SRCIN1: variants seen among roughly 807,000 people sequenced by gnomAD.
SRCIN1 encodes the protein P130Cas-associated protein.
In SRCIN1, 50 loss-of-function variants were observed where a neutral mutation model predicts 116.2. The observed-to-expected ratio is 0.43, with a 90% CI of 0.34 to 0.54. The LOEUF is 0.54. Ranked by LOEUF, SRCIN1 falls within the 20% of genes least tolerant of loss-of-function variation. The pLI is 0.02. For missense variants in SRCIN1, 1,446 were observed against 1,672.0 expected, an observed-to-expected ratio of 0.86 and a Z score of 2.36; for synonymous variants, 736 against 750.0, an observed-to-expected ratio of 0.98 and a Z score of 0.30.
chr17:38,564,333 T>G lies in SRCIN1; in HGVS notation c.346-20A>C, dbSNP rs1213490563. 5 of 1,514,284 alleles carry G rather than the reference T, an allele frequency of 3.3e-6. No homozygotes were observed. The highest frequency in any genetic ancestry group is 2.0e-5 in the Admixed American group (1 of 49,562). 93.8% of individuals were successfully genotyped at this position (1,514,284 alleles called of 1,614,324 possible). A position where few individuals can be genotyped will look rare whatever the true frequency, so the allele number is the denominator to read the frequency against. On this transcript the variant is annotated intron_variant, in intron 3 of 18. Transcript: ENST00000617146. ...GCGGGTCTGCAGGGGCCGGGCAGGG[T>G]GAGAGGAACCAAGGATGAGCACCCC...
Position 38,533,196 on chromosome 17 carries a change from G to A in SRCIN1, c.*101C>T, listed in dbSNP as rs1021587775. 1.3e-5 allele frequency: 19 copies of A among 1,444,732 alleles called. No individual in the cohort carries two copies. The highest frequency in any genetic ancestry group is 8.6e-5 in the South Asian group (6 of 69,798). The allele number at this position is 1,444,732 out of a possible 1,614,324, so 89.5% of individuals were successfully genotyped here. ...CTCTTCAGGGCACACCCCTCAGGGC[G>A]TCTGGAGAGTAGGGTGGGGTGGGGT... On this transcript the variant is annotated 3_prime_UTR_variant, in exon 19 of 19. Coordinates refer to ENST00000617146, the MANE Select transcript of SRCIN1 (RefSeq NM_025248.3).
intron 1 of SRCIN1, among the ~76,000 whole-genome samples, chr17:38,579,713 C>T (rs112601966): frequency 6.6e-6 from 1 of 152,238 alleles, no homozygotes; most frequent in East Asian, 1.9e-4. Context: ...TGAGGTCCCA[C>T]GCGGAACTCT....
In SRCIN1 at chr17:38,543,898, G is replaced by A. The variant is rs753265863; in HGVS notation, c.3342C>T (p.Gly1114=). 6.2e-7 allele frequency: 1 copy of A among 1,606,028 alleles called. No individual in the cohort carries two copies. Among genetic ancestry groups the A allele is most frequent in the South Asian group, 1.1e-5 (1 of 90,836 alleles). ...TGCTTTTGTCGGGGCTGCCCGCCTG[G>A]CCCTGGGCCGCCTTCAGCCGAGAGG... ...PGASRLKAAQ[G]QAGSPDKSKH... Residue 1114 remains glycine, a synonymous_variant, in exon 18 of 19, where the codon GGC becomes GGT. Coordinates refer to ENST00000617146, the MANE Select transcript of SRCIN1 (RefSeq NM_025248.3).
chr17:38,606,459 C>A (rs1395252192), upstream of SRCIN1, among the ~76,000 whole-genome samples: 1 of 152,144 alleles, frequency 6.6e-6, no homozygotes, highest in African/African-American at 2.4e-5. The surrounding 1 kb of genome is among the most constrained non-coding windows in gnomAD (Gnocchi z 5.2). Context: ...CCTCGCGACC[C>A]CTCACCCCAG....
At position 38,558,496 on chromosome 17, in the gene SRCIN1, T is replaced by C. The variant is rs1187253010; in HGVS notation, c.2026-94A>G. The C allele has an allele frequency of 7.3e-7, 1 of 1,378,760 alleles. No individual in the cohort carries two copies. The highest frequency in any genetic ancestry group is 9.6e-7 in the Non-Finnish European group (1 of 1,041,378). The allele number at this position is 1,378,760 out of a possible 1,614,324, so 85.4% of individuals were successfully genotyped here. A position where few individuals can be genotyped will look rare whatever the true frequency, so the allele number is the denominator to read the frequency against. On this transcript the variant is annotated intron_variant, in intron 10 of 18. Transcript: ENST00000617146. The surrounding 1 kb of genome is among the most constrained non-coding windows in gnomAD (Gnocchi z 4.6). Reference sequence around the variant, plus strand: ...AGAAGGCGGGTAGAGGACTGCCCAATCCAGGGCGGGGCTCTGCAGAAGAAG... The same window carrying C: ...AGAAGGCGGGTAGAGGACTGCCCAACCCAGGGCGGGGCTCTGCAGAAGAAG...
At chr17:38,575,813 A>G (rs1235458925) in intron 2 of SRCIN1, among the ~76,000 whole-genome samples, 1 of 152,132 alleles carries the variant, frequency 6.6e-6, no homozygotes. Context: ...AGATTCCTCT[A>G]GGACCTGTTT....
Position 38,550,775 on chromosome 17 carries a change from C to G in SRCIN1, c.2962+380G>C, listed in dbSNP as rs868864732. ...TCTGGATTTCTGCCACTCCCGGGAC[C>G]GTGACTCAGGCTGGGGACCATGGGA... On this transcript the variant is annotated intron_variant, in intron 15 of 18. Transcript: ENST00000617146. Among the ~76,000 whole-genome samples the G allele has an allele frequency of 7.9e-5, 12 of 152,336 alleles. No individual in the cohort carries two copies. The South Asian group carries it at 2.5e-3, about 32-fold the overall frequency.
chr17:38,577,936 G>A (rs1477955305), intron 2 of SRCIN1, among the ~76,000 whole-genome samples: 1 of 152,164 alleles, frequency 6.6e-6, no homozygotes, highest in African/African-American at 2.4e-5. Context: ...CACCCAGCAC[G>A]CCACGGGGTG....
At chr17:38,605,624 C>T in intron 1 of SRCIN1, 60 bp downstream of exon 1, 1 of 1,341,108 alleles carries the variant, frequency 7.5e-7, no homozygotes, top group South Asian at 1.5e-5. Flanking sequence ...ACAAAGAAAA[C>T]AGAAATACCT....
Position 38,558,355 on chromosome 17 carries a change from T to C in SRCIN1, c.2073A>G (p.Ala691=), listed in dbSNP as rs1434489331. 1.8e-5 allele frequency: 29 copies of C among 1,608,034 alleles called. No homozygotes were observed. Among genetic ancestry groups the C allele is most frequent in the Admixed American group, 5.0e-5 (3 of 59,932 alleles). The change falls in exon 11 of 19, where the codon GCA becomes GCG. Residue 691 remains alanine (A), a synonymous_variant. Transcript: ENST00000617146. This position sits in a 1 kb window ranked among gnomAD's most constrained non-coding sequence, Gnocchi z 4.6. ...CCTCCGACACGCGCATGCTCAGCTC[T>C]GCCTCCGTGCGCTTCAGCAGCGCGC... ...SVRALLKRTE[A]ELSMRVSEAA...
At chr17:38,560,561 G>T in intron 7 of SRCIN1, 136 bp from the exon 8 acceptor site, 1 of 693,650 alleles carries the variant, frequency 1.4e-6, no homozygotes, top group South Asian at 1.8e-5. Flanking sequence ...AACGCAAAGG[G>T]CCCCAATGCC....
chr17:38,593,170 G>A (rs1040259489), intron 1 of SRCIN1, among the ~76,000 whole-genome samples: 16 of 152,166 alleles, frequency 1.1e-4, no homozygotes, highest in African/African-American at 3.6e-4. Flanking sequence ...TGTTGGGGAA[G>A]GGCATTTCAG....
At chr17:38,574,063 AGCAGG>A (rs1217806268) in intron 2 of SRCIN1, among the ~76,000 whole-genome samples, 1 of 152,190 alleles carries the variant, frequency 6.6e-6, no homozygotes, top group African/African-American at 2.4e-5. Context: ...CTCTGGGGGA[AGCAGG>A]GTGTGTAAGG....
At chr17:38,594,841 G>T (rs978778429) in intron 1 of SRCIN1, among the ~76,000 whole-genome samples, 6 of 152,024 alleles carry the variant, frequency 3.9e-5, no homozygotes, top group Non-Finnish European at 7.4e-5. Context: ...TTTGGGGGGC[G>T]GCTTCCCCTG....
At chr17:38,577,306 T>C (rs1020825404) in intron 2 of SRCIN1, among the ~76,000 whole-genome samples, 1 of 152,094 alleles carries the variant, frequency 6.6e-6, no homozygotes, top group Non-Finnish European at 1.5e-5. Flanking sequence ...TGAGAGGGGC[T>C]CCTTGAGGGT....
Position 38,552,101 on chromosome 17 carries a change from T to G in SRCIN1, c.2512A>C (p.Asn838His), listed in dbSNP as rs751564941. 3 of 1,612,844 alleles carry G rather than the reference T, an allele frequency of 1.9e-6. No individual in the cohort carries two copies. The Admixed American group carries it at 5.0e-5, about 27-fold the overall frequency. ...QVDEGVWPPP[N>H]NLLSQSPKKV... Reference sequence around the variant, plus strand: ...TTGGGGGACTGACTCAGGAGATTGTTGGGGGGTGGCCACACACCCTCATCC... The same window carrying G: ...TTGGGGGACTGACTCAGGAGATTGTGGGGGGGTGGCCACACACCCTCATCC... The change falls in exon 14 of 19, where the codon AAC becomes CAC. Residue 838 changes from asparagine (N) to histidine (H), a missense_variant. Physicochemically the swap from Asn to His is moderately conservative, Grantham distance 68. Transcript: ENST00000617146. This position sits in a 1 kb window ranked among gnomAD's most constrained non-coding sequence, Gnocchi z 5.3.
chr17:38,594,258 G>A (rs560641239), intron 1 of SRCIN1, among the ~76,000 whole-genome samples: 1 of 152,214 alleles, frequency 6.6e-6, no homozygotes. Context: ...AGCCAAGGAT[G>A]GGGGAGGGAG....
rs1407284261 is a variant in SRCIN1 at position 38,551,297 on chromosome 17, C to T, written c.2820G>A (p.Glu940=). 1.2e-6 allele frequency: 2 copies of T among 1,613,906 alleles called. No homozygotes were observed. Among genetic ancestry groups the T allele is most frequent in the East Asian group, 2.2e-5 (1 of 44,888 alleles). Residue 940 remains glutamate, a synonymous_variant, in exon 15 of 19, where the codon GAG becomes GAA. Coordinates refer to ENST00000617146, the MANE Select transcript of SRCIN1 (RefSeq NM_025248.3). ...CCAGGTCAGGGATGGCCTTGAGCAGCTCTGCCTGTGTCTCTTCCAGCAGCC... is the reference window on the plus strand; with the variant it reads ...CCAGGTCAGGGATGGCCTTGAGCAGTTCTGCCTGTGTCTCTTCCAGCAGCC... ...INRLLEETQA[E]LLKAIPDLDC...
At chr17:38,534,170 C>G (rs1340872538) in intron 18 of SRCIN1, among the ~76,000 whole-genome samples, 3 of 152,236 alleles carry the variant, frequency 2.0e-5, no homozygotes, top group Non-Finnish European at 2.9e-5. Flanking sequence ...CCTCCTCCCA[C>G]CTTCGGTGGA....
Sources: gnomAD v4.1 joint callset for allele counts (sites outside exome capture counted in the v4.1 genomes callset) on GRCh38, gnomAD v4.1.1 for gene constraint, Gnocchi (gnomAD v3.1) non-coding constraint, MANE v1.5 for transcripts, NCBI Gene and HGNC (gene_info 2026-07-23, HGNC 2026-07-21) for gene names.